The following HS3ST3A1 variants were observed in gnomAD, a reference collection of about 807,000 sequenced individuals.
HS3ST3A1 encodes the protein heparan sulfate-glucosamine 3-sulfotransferase 3A1.
Under a neutral mutation model 25.7 loss-of-function variants are expected in HS3ST3A1, and 19 were observed. The ratio of observed to expected loss-of-function variants is 0.74; its 90% CI spans 0.52 to 1.08. The LOEUF is 1.08. Ranked by LOEUF, HS3ST3A1 falls within the 50% of genes least tolerant of loss-of-function variation. The probability of loss-of-function intolerance (pLI) is 0.00; values close to 1 mark genes in which losing one functional copy is unlikely to be tolerated. For synonymous variants in HS3ST3A1, 226 were observed against 278.6 expected, an observed-to-expected ratio of 0.81 and a Z score of 1.88; for missense variants, 459 against 594.3, an observed-to-expected ratio of 0.77 and a Z score of 2.37.
chr17:13,580,094 C>A (rs148993355), intron 1 of HS3ST3A1, among the ~76,000 whole-genome samples: 93 of 152,018 alleles, frequency 6.1e-4, no homozygotes, highest in African/African-American at 2.2e-3. Context: ...TCGTAAGGGG[C>A]AGCATATACA....
chr17:13,593,806 A>G (rs1908501658), intron 1 of HS3ST3A1, among the ~76,000 whole-genome samples: 1 of 152,214 alleles, frequency 6.6e-6, no homozygotes, highest in Admixed American at 6.5e-5. Flanking sequence ...AGGGGATATC[A>G]TAACCCTAGA....
At chr17:13,588,914 C>T (rs909275373) in intron 1 of HS3ST3A1, among the ~76,000 whole-genome samples, 9 of 152,106 alleles carry the variant, frequency 5.9e-5, no homozygotes, top group South Asian at 2.1e-4. Context: ...TTGACCGTCT[C>T]GGCCTCCCAA....
chr17:13,498,421 C>T (rs905579632), intron 1 of HS3ST3A1, among the ~76,000 whole-genome samples: 3 of 152,124 alleles, frequency 2.0e-5, no homozygotes, highest in Admixed American at 2.0e-4. Context: ...ACTAAAATCT[C>T]TCTCCCCCAA....
rs1224956771 is a variant in HS3ST3A1, at chr17:13,508,968, T to TG, written c.600-12151_600-12150insC. 9.2e-5 allele frequency among the ~76,000 whole-genome samples: 14 copies of TG among 152,192 alleles called. No homozygotes were observed. In the South Asian group the frequency reaches 2.9e-3, roughly 32 times the overall value. On this transcript the variant is annotated intron_variant, in intron 1 of 1. Transcript: ENST00000284110. ...TGAGGGTAAGCATCTCTTTAATTTT[T>TG]TTTTTTTTTTTAGCCTAAGTGCCAA...
chr17:13,585,853 T>G lies in HS3ST3A1; in HGVS notation c.599+14678A>C, dbSNP rs887719569. ...TCCTCCTTCTGCGTTTTTTTTTTTT[T>G]TTTTTTTTTTTTTTCTGACAGAGTC... On this transcript the variant is annotated intron_variant, in intron 1 of 1. Coordinates refer to ENST00000284110, the MANE Select transcript of HS3ST3A1 (RefSeq NM_006042.3). Among the ~76,000 whole-genome samples the G allele has an allele frequency of 3.6e-5, 5 of 138,926 alleles. 1 individual carries two copies. Among genetic ancestry groups the G allele is most frequent in the Non-Finnish European group, 6.2e-5 (4 of 64,046 alleles). 91.1% of individuals were successfully genotyped at this position (138,926 alleles called of 152,430 possible).
At chr17:13,574,350 G>A (rs867481977) in intron 1 of HS3ST3A1, among the ~76,000 whole-genome samples, 1 of 151,172 alleles carries the variant, frequency 6.6e-6, no homozygotes, top group African/African-American at 2.4e-5. Context: ...AGCTAAGATG[G>A]TCTCGAACTC....
intron 1 of HS3ST3A1, among the ~76,000 whole-genome samples, chr17:13,523,085 G>T (rs1312092349): frequency 1.3e-5 from 2 of 152,144 alleles, no homozygotes; most frequent in Non-Finnish European, 2.9e-5. Flanking sequence ...AAGCTAGGAA[G>T]TTCACAGAAG....
At chr17:13,504,781 T>C (rs1860068) in intron 1 of HS3ST3A1, among the ~76,000 whole-genome samples, 6 of 151,396 alleles carry the variant, frequency 4.0e-5, no homozygotes, top group Non-Finnish European at 8.8e-5. Context: ...GGTAAAGGAG[T>C]GGAGCTCATA....
At position 13,601,332 on chromosome 17, in the gene HS3ST3A1, T is replaced by C; in HGVS notation, c.-203A>G. The C allele has an allele frequency of 2.0e-6, 1 of 500,624 alleles. No individual in the cohort carries two copies. Among genetic ancestry groups the C allele is most frequent in the South Asian group, 3.2e-5 (1 of 31,300 alleles). The allele number at this position is 500,624 out of a possible 1,614,324, so 31.0% of individuals were successfully genotyped here. ...TCCCGGGGGCCCCGCGCAGGATCCC[T>C]GCCTCCAGTCGAGGGAGCGGGAAGG... On this transcript the variant is annotated 5_prime_UTR_variant, in exon 1 of 2. Transcript: ENST00000284110.
At chr17:13,593,099 A>G (rs1000193676) in intron 1 of HS3ST3A1, among the ~76,000 whole-genome samples, 1 of 152,196 alleles carries the variant, frequency 6.6e-6, no homozygotes, top group Non-Finnish European at 1.5e-5. Flanking sequence ...AGCAGATAAA[A>G]TTACTAAGCT....
chr17:13,529,666 T>C (rs1026902867), intron 1 of HS3ST3A1, among the ~76,000 whole-genome samples: 2 of 152,200 alleles, frequency 1.3e-5, no homozygotes, highest in Non-Finnish European at 2.9e-5. Context: ...TATTCATATT[T>C]GATCACAAAA....
intron 1 of HS3ST3A1, among the ~76,000 whole-genome samples, chr17:13,512,956 T>C (rs1186980688): frequency 6.6e-6 from 1 of 152,210 alleles, no homozygotes; most frequent in Admixed American, 6.5e-5. Flanking sequence ...TTTTCTGTTT[T>C]GTTGTTAGGA....
intron 1 of HS3ST3A1, among the ~76,000 whole-genome samples, chr17:13,594,271 T>C (rs1908515770): frequency 6.6e-6 from 1 of 152,162 alleles, no homozygotes; most frequent in South Asian, 2.1e-4. Flanking sequence ...TCTGTCCTAT[T>C]TGTCCCTTTC....
At chr17:13,596,418 TACACACACACACAC>T (rs10535139) in intron 1 of HS3ST3A1, among the ~76,000 whole-genome samples, 2 of 146,330 alleles carry the variant, frequency 1.4e-5, no homozygotes, top group Non-Finnish European at 3.0e-5. Context: ...TGCGCGTGCG[TACACACACACACAC>T]ACACACACAC....
chr17:13,564,844 C>G (rs1907638515), intron 1 of HS3ST3A1, among the ~76,000 whole-genome samples: 1 of 150,536 alleles, frequency 6.6e-6, no homozygotes, highest in South Asian at 2.1e-4. Flanking sequence ...ATGCCTCAAT[C>G]TCTCAAGTAG....
intron 1 of HS3ST3A1, among the ~76,000 whole-genome samples, chr17:13,501,457 T>A (rs1196475561): frequency 8.2e-6 from 1 of 121,632 alleles, no homozygotes; most frequent in Non-Finnish European, 1.7e-5. Flanking sequence ...AGAGTCTTTT[T>A]GCTTTACGGC....
intron 1 of HS3ST3A1, among the ~76,000 whole-genome samples, chr17:13,515,903 T>C (rs1250609908): frequency 6.6e-6 from 1 of 152,210 alleles, no homozygotes; most frequent in Non-Finnish European, 1.5e-5. Context: ...ATGAATGATG[T>C]TGAACGTCTT....
chr17:13,600,979 C>A lies in HS3ST3A1; in HGVS notation c.151G>T (p.Gly51Cys), dbSNP rs564489043. 2 of 1,561,934 alleles carry A rather than the reference C, an allele frequency of 1.3e-6. No individual in the cohort carries two copies. The highest frequency in any genetic ancestry group is 1.7e-6 in the Non-Finnish European group (2 of 1,154,110). Residue 51 changes from glycine (G) to cysteine (C), a missense_variant, in exon 1 of 2, where the codon GGC becomes TGC. Around this residue, in one of 3 missense-constraint regions of HS3ST3A1, gnomAD observed 346 missense variants for 303.9 expected, o/e 1.14. Transcript: ENST00000284110. The part of the protein sequence containing the change: ...CLAERCQTLS[G>C]PVVGLSGGGE... ...CCGCCGGACAGCCCCACGACGGGGC[C>A]GGACAGGGTCTGGCAGCGCTCGGCC... is the stretch of plus-strand genomic sequence containing the variant.
chr17:13,512,764 A>G (rs1039138203), intron 1 of HS3ST3A1, among the ~76,000 whole-genome samples: 9 of 152,138 alleles, frequency 5.9e-5, no homozygotes, highest in Non-Finnish European at 8.8e-5. Context: ...AAGGGATAAA[A>G]AAATAAATTG....
Sources: gnomAD v4.1 joint callset for allele counts (sites outside exome capture counted in the v4.1 genomes callset) on GRCh38, gnomAD v4.1.1 for gene constraint, gnomAD v4.1.1 regional missense constraint, MANE v1.5 for transcripts, NCBI Gene and HGNC (gene_info 2026-07-23, HGNC 2026-07-21) for gene names.